Variants in TAF3 observed in about 807,000 individuals in gnomAD.
TAF3 encodes TATA-box binding protein associated factor 3.
A neutral mutation model predicts 80.6 loss-of-function variants in TAF3; 7 were observed. That is an observed-to-expected ratio of 0.09 (90% CI 0.05 to 0.16). The LOEUF is 0.16. Among genes scored for constraint, TAF3 ranks in the 10% least tolerant of loss-of-function variants. TAF3 has a pLI of 1.00. For missense variants in TAF3, 921 were observed against 1,140.2 expected, an observed-to-expected ratio of 0.81 and a Z score of 2.77; for synonymous variants, 444 against 446.1, an observed-to-expected ratio of 1.00 and a Z score of 0.06.
At chr10:7,863,217 C>T (rs1674060647) in intron 2 of TAF3, among the ~76,000 whole-genome samples, 1 of 152,112 alleles carries the variant, frequency 6.6e-6, no homozygotes, top group Non-Finnish European at 1.5e-5. Flanking sequence ...ATCAATGTAT[C>T]ATCTACAAGA....
At chr10:7,992,712 A>G (rs1831846718) in intron 4 of TAF3, among the ~76,000 whole-genome samples, 1 of 152,232 alleles carries the variant, frequency 6.6e-6, no homozygotes, top group African/African-American at 2.4e-5. Flanking sequence ...TAGTTTTATG[A>G]TTAATGATCT....
At chr10:7,975,998 C>G (rs567464518) in intron 3 of TAF3, among the ~76,000 whole-genome samples, 1 of 152,096 alleles carries the variant, frequency 6.6e-6, no homozygotes, top group Non-Finnish European at 1.5e-5. Flanking sequence ...ACAGCCCCAC[C>G]GAAAGACTTG....
At chr10:7,909,178 C>T (rs905471574) in intron 2 of TAF3, among the ~76,000 whole-genome samples, 6 of 152,208 alleles carry the variant, frequency 3.9e-5, no homozygotes, top group Non-Finnish European at 5.9e-5. Flanking sequence ...TCAACTGGAG[C>T]TTGTCATAAA....
At chr10:7,960,478 T>G (rs1277548905) in intron 2 of TAF3, among the ~76,000 whole-genome samples, 1 of 152,202 alleles carries the variant, frequency 6.6e-6, no homozygotes, top group Non-Finnish European at 1.5e-5. Context: ...TTCTAGTTGC[T>G]AAGAGAAGGC....
intron 2 of TAF3, among the ~76,000 whole-genome samples, chr10:7,923,537 C>T (rs1837786216): frequency 6.6e-6 from 1 of 150,816 alleles, no homozygotes; most frequent in South Asian, 2.1e-4. Context: ...TCACTTTTTT[C>T]TGGCTTTATT....
chr10:7,972,020 G>C (rs1831627764), intron 3 of TAF3, among the ~76,000 whole-genome samples: 1 of 152,194 alleles, frequency 6.6e-6, no homozygotes. Context: ...GTAATCCACT[G>C]TAAATGCTCT....
At chr10:7,935,358 G>A (rs1837907433) in intron 2 of TAF3, among the ~76,000 whole-genome samples, 1 of 152,054 alleles carries the variant, frequency 6.6e-6, no homozygotes, top group Admixed American at 6.6e-5. Flanking sequence ...AGCACTTTGG[G>A]AGGCCGAGGC....
chr10:7,853,490 C>A (rs1837048951), intron 2 of TAF3, among the ~76,000 whole-genome samples: 1 of 152,170 alleles, frequency 6.6e-6, no homozygotes, highest in Non-Finnish European at 1.5e-5. Flanking sequence ...TGTATAGTAT[C>A]TGTAGCTGTT....
At chr10:7,842,163 T>G (rs200710627) in intron 2 of TAF3, among the ~76,000 whole-genome samples, 1,006 of 90,268 alleles carry the variant, frequency 0.011, 26 homozygotes, top group South Asian at 0.026. Context: ...TTTTTTTTTT[T>G]GTTTTTTTTT....
At chr10:7,835,766 C>T (rs1836845942) in intron 2 of TAF3, among the ~76,000 whole-genome samples, 1 of 152,196 alleles carries the variant, frequency 6.6e-6, no homozygotes, top group African/African-American at 2.4e-5. Flanking sequence ...GTCAGTCTTC[C>T]CGTTGCTTCT....
At chr10:7,885,070 G>A (rs1210054973) in intron 2 of TAF3, among the ~76,000 whole-genome samples, 1 of 151,908 alleles carries the variant, frequency 6.6e-6, no homozygotes, top group Non-Finnish European at 1.5e-5. Flanking sequence ...AAGGGCTGAG[G>A]GTGGGGAATG....
intron 2 of TAF3, among the ~76,000 whole-genome samples, chr10:7,856,950 A>G (rs1564349100): frequency 6.6e-6 from 1 of 152,094 alleles, no homozygotes; most frequent in African/African-American, 2.4e-5. Flanking sequence ...ACAAATACTA[A>G]TGAGATAAGC....
intron 2 of TAF3, among the ~76,000 whole-genome samples, chr10:7,918,744 A>G (rs995997955): frequency 6.6e-6 from 1 of 152,148 alleles, no homozygotes; most frequent in Non-Finnish European, 1.5e-5. Context: ...CCATATTTCT[A>G]TCTGTTACCT....
At position 7,963,917 on chromosome 10, in the gene TAF3, C is replaced by A; in HGVS notation, c.410-3C>A. The A allele has an allele frequency of 1.3e-6, 2 of 1,534,220 alleles. No individual in the cohort carries two copies. The highest frequency in any genetic ancestry group is 1.7e-6 in the Non-Finnish European group (2 of 1,144,512). On this transcript the variant is annotated splice_region_variant and splice_polypyrimidine_tract_variant and intron_variant, in intron 2 of 6. Coordinates refer to ENST00000344293, the MANE Select transcript of TAF3 (RefSeq NM_031923.4). ...TTTTTCTTCCTTTTTCTTCCTTTACCAGAAGAAGAAGAAGAGCAGGTGCCC... is the reference window on the plus strand; with the variant it reads ...TTTTTCTTCCTTTTTCTTCCTTTACAAGAAGAAGAAGAAGAGCAGGTGCCC...
intron 2 of TAF3, among the ~76,000 whole-genome samples, chr10:7,828,827 A>G (rs1032200430): frequency 6.6e-6 from 1 of 152,026 alleles, no homozygotes. Context: ...TGAGGTCAGG[A>G]GTTCAAGACG....
chr10:7,978,343 G>A (rs1003273966), intron 4 of TAF3, among the ~76,000 whole-genome samples: 1 of 152,112 alleles, frequency 6.6e-6, no homozygotes, highest in Non-Finnish European at 1.5e-5. Flanking sequence ...TGTTGCTTCT[G>A]TCAGTTCCAC....
intron 2 of TAF3, among the ~76,000 whole-genome samples, chr10:7,832,152 T>C (rs1836807597): frequency 6.6e-6 from 1 of 152,190 alleles, no homozygotes. Flanking sequence ...TCCTGTCAGA[T>C]TGAGGCTTTG....
At chr10:7,862,979 C>T (rs949436915) in intron 2 of TAF3, among the ~76,000 whole-genome samples, 1 of 152,096 alleles carries the variant, frequency 6.6e-6, no homozygotes, top group African/African-American at 2.4e-5. Flanking sequence ...TGGACTATTT[C>T]AAATAACGTT....
chr10:7,881,815 G>A (rs977343397), intron 2 of TAF3, among the ~76,000 whole-genome samples: 2 of 152,174 alleles, frequency 1.3e-5, no homozygotes, highest in African/African-American at 4.8e-5. Context: ...TAACTTTGGA[G>A]GAGTTGCTTA....
Sources: gnomAD v4.1 joint callset for allele counts (sites outside exome capture counted in the v4.1 genomes callset) on GRCh38, gnomAD v4.1.1 for gene constraint, MANE v1.5 for transcripts, NCBI Gene and HGNC (gene_info 2026-07-23, HGNC 2026-07-21) for gene names.